Variants in TMEM244 observed in about 807,000 individuals in gnomAD.
TMEM244 encodes transmembrane protein 244.
Under a neutral mutation model 15.8 loss-of-function variants are expected in TMEM244, and 13 were observed. That is an observed-to-expected ratio of 0.82 (90% CI 0.53 to 1.30). The LOEUF (loss-of-function observed/expected upper bound fraction) is 1.30. Ranked by LOEUF, TMEM244 falls within the 50% of genes most tolerant of loss-of-function variation. The pLI is 0.00. For missense variants in TMEM244, 161 were observed against 144.9 expected (o/e 1.11, Z -0.57); for synonymous variants, 45 against 48.7 (o/e 0.92, Z 0.32).
At chr6:129,848,636 G>C (rs1776594643) in intron 1 of TMEM244, among the ~76,000 whole-genome samples, 2 of 152,108 alleles carry the variant, frequency 1.3e-5, no homozygotes, top group South Asian at 4.1e-4. Context: ...CCCAAACATT[G>C]TGCGCATACA....
intron 4 of TMEM244, among the ~76,000 whole-genome samples, chr6:129,832,492 T>C (rs1776342850): frequency 6.6e-6 from 1 of 152,166 alleles, no homozygotes; most frequent in Non-Finnish European, 1.5e-5. Context: ...AATTATAACC[T>C]GTGGTTGGTT....
At chr6:129,842,176 T>C (rs932934922) in intron 3 of TMEM244, among the ~76,000 whole-genome samples, 7 of 152,168 alleles carry the variant, frequency 4.6e-5, no homozygotes, top group Admixed American at 1.3e-4. Context: ...CCTTTCTTTA[T>C]TGACTGACCC....
Position 129,844,346 on chromosome 6 carries a change from C to T in TMEM244, c.120-743G>A, listed in dbSNP as rs115612769. On this transcript the variant is annotated intron_variant, in intron 2 of 4. Transcript: ENST00000368143. ...CCTGCCATCAAACGTAGAAGGAGAA[C>T]GTAATACCATGGAGACAGCGCAGGC... Among the ~76,000 whole-genome samples, 727 of 152,196 alleles carry T rather than the reference C, an allele frequency of 4.8e-3. 7 individuals carry two copies. The highest frequency in any genetic ancestry group is 0.016 in the African/African-American group (679 of 41,538).
At chr6:129,851,991 A>T (rs1208168882) in intron 1 of TMEM244, among the ~76,000 whole-genome samples, 1 of 152,208 alleles carries the variant, frequency 6.6e-6, no homozygotes, top group East Asian at 1.9e-4. Flanking sequence ...TTAAGGTAAG[A>T]TAATGGTATG....
intron 3 of TMEM244, among the ~76,000 whole-genome samples, chr6:129,841,428 G>T: frequency 6.9e-6 from 1 of 144,390 alleles, no homozygotes; most frequent in Middle Eastern, 3.4e-3. Flanking sequence ...TCGGGGGGTG[G>T]GGGGCTGGGG....
intron 1 of TMEM244, among the ~76,000 whole-genome samples, chr6:129,846,478 A>G (rs896790269): frequency 6.6e-5 from 10 of 152,190 alleles, no homozygotes; most frequent in African/African-American, 1.4e-4. Context: ...GTAAAACACT[A>G]CATATTAAAA....
At chr6:129,837,696 C>T (rs143246456) in intron 3 of TMEM244, among the ~76,000 whole-genome samples, 12 of 152,172 alleles carry the variant, frequency 7.9e-5, no homozygotes, top group South Asian at 4.2e-4. Flanking sequence ...TGTGCAAAGA[C>T]GCACATAGGC....
chr6:129,853,812 T>G (rs556837741), intron 1 of TMEM244, among the ~76,000 whole-genome samples: 1 of 152,294 alleles, frequency 6.6e-6, no homozygotes, highest in East Asian at 1.9e-4. Context: ...AATATGAGCA[T>G]GTGCACGTGG....
chr6:129,833,021 G>C (rs1776352017), intron 4 of TMEM244, among the ~76,000 whole-genome samples: 2 of 152,046 alleles, frequency 1.3e-5, no homozygotes, highest in South Asian at 4.2e-4. Context: ...GTTTAGTTCT[G>C]AATCAGATTG....
Position 129,831,403 on chromosome 6 carries a change from A to T in TMEM244, c.320-17T>A. The T allele has an allele frequency of 6.5e-7, 1 of 1,540,156 alleles. No homozygotes were observed. The highest frequency in any genetic ancestry group is 9.0e-7 in the Non-Finnish European group (1 of 1,112,344). On this transcript the variant is annotated splice_polypyrimidine_tract_variant and intron_variant, in intron 4 of 4. Coordinates refer to ENST00000368143, the MANE Select transcript of TMEM244 (RefSeq NM_001010876.2). Reference sequence around the variant, plus strand: ...CCAACATAACTGCAATAGAAAAAAAATGTTTAATTTCAAAACATGCGTTTT... The same window carrying T: ...CCAACATAACTGCAATAGAAAAAAATTGTTTAATTTCAAAACATGCGTTTT...
chr6:129,857,787 T>C (rs1407747422), intron 1 of TMEM244, among the ~76,000 whole-genome samples: 1 of 150,848 alleles, frequency 6.6e-6, no homozygotes, highest in Non-Finnish European at 1.5e-5. Context: ...TGTGTGTGTA[T>C]GTGTGGTTTT....
intron 1 of TMEM244, among the ~76,000 whole-genome samples, chr6:129,847,920 A>G (rs1253299793): frequency 6.6e-6 from 1 of 151,548 alleles, no homozygotes; most frequent in East Asian, 1.9e-4. Flanking sequence ...GATTACAGGC[A>G]TGCACCACCA....
chr6:129,850,353 G>C (rs1776620762), intron 1 of TMEM244, among the ~76,000 whole-genome samples: 1 of 152,166 alleles, frequency 6.6e-6, no homozygotes, highest in Non-Finnish European at 1.5e-5. Context: ...GAGTATTATA[G>C]ACTAGAGAGG....
At chr6:129,831,504 C>A in intron 4 of TMEM244, 118 bp from the exon 5 acceptor site, 1 of 718,218 alleles carries the variant, frequency 1.4e-6, no homozygotes, top group South Asian at 1.8e-5. Flanking sequence ...TATCCATGTT[C>A]ATGAAATCAG....
rs1776806984 is a variant in TMEM244, at chr6:129,861,297, A to C, written c.-109T>G. 2 of 1,292,904 alleles carry C rather than the reference A, an allele frequency of 1.5e-6. No individual in the cohort carries two copies. The highest frequency in any genetic ancestry group is 4.7e-5 in the East Asian group (2 of 42,792). 80.1% of individuals were successfully genotyped at this position (1,292,904 alleles called of 1,614,324 possible). On this transcript the variant is annotated 5_prime_UTR_variant, in exon 1 of 5. Transcript: ENST00000368143. ...AGCTTTTCAATTACTCCTGGAGACTAAGTGTGAGACGCAGTAGTGCAGGAT... is the reference window on the plus strand; with the variant it reads ...AGCTTTTCAATTACTCCTGGAGACTCAGTGTGAGACGCAGTAGTGCAGGAT...
intron 1 of TMEM244, among the ~76,000 whole-genome samples, chr6:129,853,278 C>T (rs549065956): frequency 2.6e-5 from 4 of 152,084 alleles, no homozygotes; most frequent in East Asian, 1.9e-4. Context: ...GTAGAATTAA[C>T]GGCTCCTCTC....
At chr6:129,852,973 C>T (rs1390820799) in intron 1 of TMEM244, among the ~76,000 whole-genome samples, 1 of 152,144 alleles carries the variant, frequency 6.6e-6, no homozygotes, top group Non-Finnish European at 1.5e-5. Context: ...ATTCTCTTTC[C>T]AGTCTATTGA....
chr6:129,850,615 T>G (rs1382181132), intron 1 of TMEM244, among the ~76,000 whole-genome samples: 1 of 152,186 alleles, frequency 6.6e-6, no homozygotes, highest in African/African-American at 2.4e-5. Flanking sequence ...AGAAACACAA[T>G]GCAAGCCACA....
chr6:129,852,926 G>A (rs9483071), intron 1 of TMEM244, among the ~76,000 whole-genome samples: 12,149 of 152,044 alleles, frequency 0.08, 916 homozygotes, highest in African/African-American at 0.2. Context: ...TGCTCCTCAG[G>A]TAGATCCCTG....
Sources: gnomAD v4.1 joint callset for allele counts (sites outside exome capture counted in the v4.1 genomes callset) on GRCh38, gnomAD v4.1.1 for gene constraint, MANE v1.5 for transcripts, NCBI Gene and HGNC (gene_info 2026-07-23, HGNC 2026-07-21) for gene names.